The following WDFY4 variants were observed in gnomAD, a reference collection of about 807,000 sequenced individuals.
WDFY4 encodes WD repeat- and FYVE domain-containing protein 4.
A neutral mutation model predicts 351.9 loss-of-function variants in WDFY4; 169 were observed. The observed-to-expected ratio is 0.48, with a 90% CI of 0.42 to 0.55. The LOEUF (loss-of-function observed/expected upper bound fraction) is 0.55. Among genes scored for constraint, WDFY4 ranks in the 20% least tolerant of loss-of-function variants. WDFY4 has a pLI of 0.00. For synonymous variants in WDFY4, 1,622 were observed against 1,574.6 expected (o/e 1.03, Z -0.71); for missense variants, 3,803 against 3,935.6 (o/e 0.97, Z 0.90).
rs773155949 is a variant in WDFY4, at chr10:48,830,752, A to G, written c.6393A>G (p.Ala2131=). ...TVQTLWQQLV[A]QRQQTLEDAF... ...AGACTCTCTGGCAGCAGCTGGTGGC[A>G]CAAAGGCAGCAGACCCTGGAGGATG... Residue 2131 remains alanine (A), a synonymous_variant, in exon 38 of 62, where the codon GCA becomes GCG. Transcript: ENST00000325239. The G allele has an allele frequency of 1.3e-6, 2 of 1,551,698 alleles. No homozygotes were observed. Among genetic ancestry groups the G allele is most frequent in the Non-Finnish European group, 1.7e-6 (2 of 1,146,948 alleles).
At chr10:48,807,751 C>T in intron 27 of WDFY4, 108 bp from the exon 28 acceptor site, 1 of 1,284,082 alleles carries the variant, frequency 7.8e-7, no homozygotes, top group Non-Finnish European at 1.1e-6. Flanking sequence ...CCCAGCCATG[C>T]CACAATTCCT....
At chr10:48,764,233 C>A (rs2065598794) in intron 13 of WDFY4, among the ~76,000 whole-genome samples, 1 of 152,170 alleles carries the variant, frequency 6.6e-6, no homozygotes, top group South Asian at 2.1e-4. Context: ...CAGTGATGGC[C>A]ACGTTACATT....
intron 47 of WDFY4, among the ~76,000 whole-genome samples, chr10:48,902,351 C>T (rs1349403676): frequency 6.6e-6 from 1 of 152,174 alleles, no homozygotes; most frequent in Non-Finnish European, 1.5e-5. Flanking sequence ...TCCCCCCCGC[C>T]GCCGCCAGGT....
chr10:48,811,781 G>A (rs1733847869), intron 30 of WDFY4, 73 bp downstream of exon 30: 11 of 1,461,436 alleles, frequency 7.5e-6, no homozygotes, highest in Non-Finnish European at 1.0e-5. Flanking sequence ...AGGTCGCCAA[G>A]ACCCTCTGCA....
chr10:48,765,388 G>A (rs1448925300), intron 13 of WDFY4, among the ~76,000 whole-genome samples: 1 of 152,190 alleles, frequency 6.6e-6, no homozygotes, highest in Non-Finnish European at 1.5e-5. Context: ...AACTTCCTTT[G>A]TGTAGTGTGG....
intron 39 of WDFY4, among the ~76,000 whole-genome samples, chr10:48,842,387 A>G (rs1564408829): frequency 2.0e-5 from 3 of 152,020 alleles, no homozygotes; most frequent in South Asian, 2.1e-4. Flanking sequence ...ACTGCAGGGA[A>G]TGGTCGCCTG....
At chr10:48,796,249 T>G (rs2132792737) in intron 23 of WDFY4, 49 bp from the exon 24 acceptor site, 1 of 1,518,798 alleles carries the variant, frequency 6.6e-7, no homozygotes. Context: ...GAAGGGGAAA[T>G]CTCTAATGAT....
intron 13 of WDFY4, among the ~76,000 whole-genome samples, chr10:48,763,089 C>T (rs2065560084): frequency 6.6e-6 from 1 of 152,256 alleles, no homozygotes; most frequent in South Asian, 2.1e-4. Flanking sequence ...ATCTTACATT[C>T]TCTGGCTTGG....
Position 48,788,603 on chromosome 10 carries a change from C to G in WDFY4, c.3882C>G (p.Ser1294Arg). ...ERVSFGLHIA[S>R]SSITSVADIR... ...TTTCTTTTGGACTTCACATAGCCAG[C>G]TCCTCTATCACCAGTGTAGCGGACA... Residue 1294 changes from serine (S) to arginine (R), a missense_variant, in exon 21 of 62, where the codon AGC becomes AGG. Ser to Arg is a moderately radical substitution (Grantham distance 110). Around this residue, in one of 3 missense-constraint regions of WDFY4, gnomAD observed 3,054 missense variants for 3,148.6 expected, o/e 0.97. Transcript: ENST00000325239. 6.4e-7 allele frequency: 1 copy of G among 1,551,834 alleles called. No homozygotes were observed. Among genetic ancestry groups the G allele is most frequent in the Non-Finnish European group, 8.7e-7 (1 of 1,147,010 alleles).
At chr10:48,907,600 C>A (rs1837683965) in intron 47 of WDFY4, among the ~76,000 whole-genome samples, 1 of 152,134 alleles carries the variant, frequency 6.6e-6, no homozygotes, top group Non-Finnish European at 1.5e-5. Flanking sequence ...CTATGCGATT[C>A]CCATGAGAAT....
intron 60 of WDFY4, 71 bp from the exon 61 acceptor site, chr10:48,981,296 G>A (rs1160825164): frequency 5.3e-6 from 7 of 1,309,904 alleles, no homozygotes; most frequent in Admixed American, 4.2e-5. Context: ...TTGCGGCCCC[G>A]TGTGCAGATG....
intron 43 of WDFY4, among the ~76,000 whole-genome samples, chr10:48,886,301 CTG>C (rs1327942680): frequency 1.3e-5 from 2 of 152,220 alleles, no homozygotes; most frequent in Admixed American, 1.3e-4. Flanking sequence ...GAATGTGCTG[CTG>C]TGTGCTACCA....
chr10:48,876,907 TC>T, intron 42 of WDFY4, 125 bp from the exon 43 acceptor site: 1 of 940,766 alleles, frequency 1.1e-6, no homozygotes, highest in Non-Finnish European at 1.5e-6. Flanking sequence ...CAGTGAGAGA[TC>T]CACGCTCTTC....
chr10:48,806,655 G>A (rs1165175737), intron 27 of WDFY4, among the ~76,000 whole-genome samples: 1 of 152,160 alleles, frequency 6.6e-6, no homozygotes, highest in Non-Finnish European at 1.5e-5. Context: ...TTTTCGCCTA[G>A]CCAGGTGCAG....
In WDFY4 at chr10:48,742,436, C is replaced by T. The variant is rs372289647; in HGVS notation, c.1879-532C>T. On this transcript the variant is annotated intron_variant, in intron 11 of 61. Transcript: ENST00000325239. The stretch of plus-strand genomic sequence containing the variant: ...GAGGGAGATAAGGAATAACAAGCTG[C>T]TTCTATGAGGATTTCACTGTGTGTC... 4.6e-5 allele frequency among the ~76,000 whole-genome samples: 7 copies of T among 152,330 alleles called. No homozygotes were observed. The East Asian group carries it at 5.8e-4, about 13-fold the overall frequency.
At chr10:48,714,276 C>T (rs1468435906) in intron 2 of WDFY4, among the ~76,000 whole-genome samples, 1 of 152,318 alleles carries the variant, frequency 6.6e-6, no homozygotes, top group East Asian at 1.9e-4. Context: ...TTCCTTATTT[C>T]ATGACTCACT....
chr10:48,891,045 C>T (rs1321284694), intron 44 of WDFY4, among the ~76,000 whole-genome samples: 1 of 152,222 alleles, frequency 6.6e-6, no homozygotes, highest in South Asian at 2.1e-4. Flanking sequence ...CACTCAACGA[C>T]ATGTTAGTTG....
chr10:48,953,333 T>TCTCTCTCACACACACACACA (rs771339557), intron 51 of WDFY4, among the ~76,000 whole-genome samples: 10 of 128,126 alleles, frequency 7.8e-5, no homozygotes, highest in Admixed American at 6.3e-4. Flanking sequence ...TCTCTCTCTC[T>TCTCTCTCACACACACACACA]CACACACACA....
chr10:48,952,313 T>C (rs145677036), intron 51 of WDFY4, among the ~76,000 whole-genome samples: 5 of 152,274 alleles, frequency 3.3e-5, no homozygotes, highest in Admixed American at 3.3e-4. Context: ...GCCTACCCAA[T>C]GCAGCCAGGG....
Sources: allele counts gnomAD v4.1 joint callset (sites outside exome capture counted in the v4.1 genomes callset), GRCh38; gene constraint gnomAD v4.1.1; regional missense constraint gnomAD v4.1.1; transcripts MANE v1.5; gene names NCBI Gene and HGNC (gene_info 2026-07-23, HGNC 2026-07-21).